Variants in ZSWIM4 observed in about 807,000 individuals in gnomAD.
ZSWIM4 encodes the protein zinc finger SWIM domain-containing protein 4.
A neutral mutation model predicts 102.5 loss-of-function variants in ZSWIM4; 62 were observed. That is an observed-to-expected ratio of 0.60 (90% CI 0.49 to 0.75). ZSWIM4 has a LOEUF of 0.75. Ranked by LOEUF, ZSWIM4 falls within the 30% of genes least tolerant of loss-of-function variation. The pLI is 0.00. For synonymous variants in ZSWIM4, 652 were observed against 674.5 expected (o/e 0.97, Z 0.52); for missense variants, 1,280 against 1,529.6 (o/e 0.84, Z 2.72).
chr19:13,832,097 T>A lies in ZSWIM4; in HGVS notation c.*1047T>A, dbSNP rs1332250590. The A allele has an allele frequency of 6.6e-6, 1 of 150,804 alleles. No homozygotes were observed. Among genetic ancestry groups the A allele is most frequent in the Non-Finnish European group, 1.5e-5 (1 of 67,820 alleles). 9.3% of individuals were successfully genotyped at this position (150,804 alleles called of 1,614,324 possible). A position where few individuals can be genotyped will look rare whatever the true frequency, so the allele number is the denominator to read the frequency against. ...ATCATTTTGTAACTTTTTTTCTATT[T>A]ATTGAACGGTGTATTACATGTCCTT... On this transcript the variant is annotated 3_prime_UTR_variant, in exon 14 of 14. Transcript: ENST00000590508.
intron 13 of ZSWIM4, among the ~76,000 whole-genome samples, chr19:13,829,692 G>A (rs1404261506): frequency 1.3e-5 from 2 of 152,112 alleles, no homozygotes; most frequent in East Asian, 1.9e-4. Context: ...GGGCGTGGTG[G>A]TGGGCCCCTG....
rs963726684 is a variant in ZSWIM4 at position 13,819,249 on chromosome 19, T to C, written c.1925-108T>C. ...GAGACCCATCTAGCCACAGCCACTCTACCCAGGGGCCAGCCCACCCTCTAC... is the reference window on the plus strand; with the variant it reads ...GAGACCCATCTAGCCACAGCCACTCCACCCAGGGGCCAGCCCACCCTCTAC... On this transcript the variant is annotated intron_variant, in intron 9 of 13. Transcript: ENST00000590508. 36 of 1,473,170 alleles carry C rather than the reference T, an allele frequency of 2.4e-5. No individual in the cohort carries two copies. The Middle Eastern group carries it at 7.9e-4, about 32-fold the overall frequency. The allele number at this position is 1,473,170 out of a possible 1,614,324, so 91.3% of individuals were successfully genotyped here.
In ZSWIM4 at chr19:13,830,580, A is replaced by G. The variant is rs1975735201; in HGVS notation, c.2851A>G (p.Ile951Val). The G allele has an allele frequency of 1.3e-6, 2 of 1,599,664 alleles. No homozygotes were observed. The highest frequency in any genetic ancestry group is 8.5e-7 in the Non-Finnish European group (1 of 1,179,758). Residue 951 changes from isoleucine (I) to valine (V), a missense_variant, in exon 14 of 14, where the codon ATC becomes GTC. Physicochemically the swap from Ile to Val is conservative, Grantham distance 29. Coordinates refer to ENST00000590508, the MANE Select transcript of ZSWIM4 (RefSeq NM_001367834.3). ...LATLALAQLSIAFNQDSHPAV... is the reference protein window; with the variant it reads ...LATLALAQLSVAFNQDSHPAV... The stretch of plus-strand genomic sequence containing the variant: ...GACGCTGGCCCTGGCGCAGCTCAGC[A>G]TCGCCTTCAACCAGGACAGCCACCC...
At chr19:13,806,993 G>A (rs73511518) in intron 3 of ZSWIM4, among the ~76,000 whole-genome samples, 3,207 of 152,024 alleles carry the variant, frequency 0.021, 115 homozygotes, top group African/African-American at 0.074. Flanking sequence ...ATGAATGGGT[G>A]GTTTAATGGA....
intron 12 of ZSWIM4, among the ~76,000 whole-genome samples, chr19:13,828,417 C>A (rs919038279): frequency 3.3e-5 from 5 of 151,592 alleles, no homozygotes; most frequent in Non-Finnish European, 7.4e-5. Flanking sequence ...CAAAAAAAAA[C>A]AAAACAAAAC....
At chr19:13,803,447 C>T (rs1974827446) in intron 2 of ZSWIM4, among the ~76,000 whole-genome samples, 1 of 152,084 alleles carries the variant, frequency 6.6e-6, no homozygotes, top group Non-Finnish European at 1.5e-5. Context: ...CAGAAAACCA[C>T]CTTCAATGTC....
At chr19:13,816,651 A>G (rs551292751) in intron 7 of ZSWIM4, among the ~76,000 whole-genome samples, 2 of 152,168 alleles carry the variant, frequency 1.3e-5, no homozygotes, top group South Asian at 4.2e-4. Context: ...TAAAAAAAGA[A>G]AAAGGATGTG....
At position 13,795,785 on chromosome 19, in the gene ZSWIM4, G is replaced by T; in HGVS notation, c.137G>T (p.Ser46Ile). 8.0e-7 allele frequency: 1 copy of T among 1,252,550 alleles called. No homozygotes were observed. Among genetic ancestry groups the T allele is most frequent in the Non-Finnish European group, 1.0e-6 (1 of 998,028 alleles). 77.6% of individuals were successfully genotyped at this position (1,252,550 alleles called of 1,614,324 possible). A position where few individuals can be genotyped will look rare whatever the true frequency, so the allele number is the denominator to read the frequency against. ...CTCAGCGCCAAGCGGGTAGCCGAGA[G>T]CTGGGCCTTCGAGCAGGTGACCGCG... ...LDLSAKRVAESWAFEQVEERF... is the reference protein window; with the variant it reads ...LDLSAKRVAEIWAFEQVEERF... The change falls in exon 1 of 14, where the codon AGC becomes ATC. Residue 46 changes from serine to isoleucine, a missense_variant. Coordinates refer to ENST00000590508, the MANE Select transcript of ZSWIM4 (RefSeq NM_001367834.3).
rs771538922 is a variant in ZSWIM4 at position 13,799,841 on chromosome 19, G to A, written c.275G>A (p.Gly92Asp). 17 of 1,613,858 alleles carry A rather than the reference G, an allele frequency of 1.1e-5. No individual in the cohort carries two copies. Among genetic ancestry groups the A allele is most frequent in the Non-Finnish European group, 1.4e-5 (16 of 1,180,000 alleles). The change falls in exon 2 of 14, where the codon GGC becomes GAC. Residue 92 changes from glycine to aspartate, a missense_variant. Physicochemically the swap from Gly to Asp is moderately conservative, Grantham distance 94. Coordinates refer to ENST00000590508, the MANE Select transcript of ZSWIM4 (RefSeq NM_001367834.3). ...YSSLGYPPPEGEHDARVPFTR... is the reference protein window; with the variant it reads ...YSSLGYPPPEDEHDARVPFTR... The stretch of plus-strand genomic sequence containing the variant: ...TCGCTGGGTTACCCGCCCCCAGAGG[G>A]CGAGCACGATGCCCGGGTGCCCTTT...
chr19:13,801,393 G>A (rs1374947182), intron 2 of ZSWIM4, among the ~76,000 whole-genome samples: 1 of 152,196 alleles, frequency 6.6e-6, no homozygotes, highest in Non-Finnish European at 1.5e-5. Context: ...CAGAGAAGCA[G>A]CTGTCAGCCA....
chr19:13,830,659 A>G lies in ZSWIM4; in HGVS notation c.2930A>G (p.His977Arg), dbSNP rs757637856. 2 of 1,602,956 alleles carry G rather than the reference A, an allele frequency of 1.2e-6. No individual in the cohort carries two copies. Among genetic ancestry groups the G allele is most frequent in the Non-Finnish European group, 8.5e-7 (1 of 1,179,696 alleles). ...TCTCTCAGCCACTCCCTGGGCCGGC[A>G]CGAGCTCTCTGCCATCGTCCCCCTC... ...ACSLSHSLGRHELSAIVPLII... is the reference protein window; with the variant it reads ...ACSLSHSLGRRELSAIVPLII... Residue 977 changes from histidine to arginine, a missense_variant, in exon 14 of 14, where the codon CAC becomes CGC. By Grantham distance (29) the His-to-Arg change is conservative (BLOSUM62 0). Transcript: ENST00000590508.
rs145639092 is a variant in ZSWIM4 at position 13,817,349 on chromosome 19, C to T, written c.1665C>T (p.Tyr555=). ...TGGAGGAGGAGACACTTACCCTTTA[C>T]CCAGGTACTCACATGGGGTACTCTT... is the stretch of plus-strand genomic sequence containing the variant. ...CRLEEETLTL[Y]PDSGPEKRKV... Residue 555 remains tyrosine (Y), a synonymous_variant, in exon 8 of 14, where the codon TAC becomes TAT. Transcript: ENST00000590508. 4 of 1,612,854 alleles carry T rather than the reference C, an allele frequency of 2.5e-6. No individual in the cohort carries two copies. The African/African-American group carries it at 5.3e-5, about 22-fold the overall frequency.
rs768253017 is a variant in ZSWIM4, at chr19:13,828,742, G to A, written c.2461+16G>A. 11 of 1,612,830 alleles carry A rather than the reference G, an allele frequency of 6.8e-6. No homozygotes were observed. Among genetic ancestry groups the A allele is most frequent in the Non-Finnish European group, 9.3e-6 (11 of 1,178,878 alleles). On this transcript the variant is annotated intron_variant, in intron 13 of 13. Transcript: ENST00000590508. ...ACAGAGATTGGTGAGAGCCCCTAAG[G>A]GGACCTGCCACCCACTTCGCTGTTC...
Position 13,830,091 on chromosome 19 carries a change from A to C in ZSWIM4, c.2462-100A>C, listed in dbSNP as rs113078472. 5 of 1,418,338 alleles carry C rather than the reference A, an allele frequency of 3.5e-6. No individual in the cohort carries two copies. In the African/African-American group the frequency reaches 5.6e-5, roughly 16 times the overall value. The allele number at this position is 1,418,338 out of a possible 1,614,324, so 87.9% of individuals were successfully genotyped here. ...GAAGTTTCTGTTCAGCATGGTGTGG[A>C]GGTGGAAGTGGAGGTGGCAGTGTCA... is the stretch of plus-strand genomic sequence containing the variant. On this transcript the variant is annotated intron_variant, in intron 13 of 13. Transcript: ENST00000590508.
intron 5 of ZSWIM4, among the ~76,000 whole-genome samples, chr19:13,810,481 C>T (rs10403981): frequency 0.019 from 2,915 of 151,666 alleles, 98 homozygotes; most frequent in African/African-American, 0.068. Flanking sequence ...TTAGTAGAGA[C>T]GGAGTTTCAC....
intron 5 of ZSWIM4, among the ~76,000 whole-genome samples, chr19:13,810,908 C>CA (rs1568333524): frequency 0.012 from 1,635 of 133,826 alleles, 48 homozygotes; most frequent in African/African-American, 0.048. Context: ...CCACGCCCAG[C>CA]CTTTTTTTTT....
In ZSWIM4 at chr19:13,825,952, G is replaced by A. The variant is rs1391080973; in HGVS notation, c.2379+239G>A. Among the ~76,000 whole-genome samples, 1 of 152,230 alleles carries A rather than the reference G, an allele frequency of 6.6e-6. No homozygotes were observed. Among genetic ancestry groups the A allele is most frequent in the East Asian group, 1.9e-4 (1 of 5,166 alleles). On this transcript the variant is annotated intron_variant, in intron 12 of 13. Coordinates refer to ENST00000590508, the MANE Select transcript of ZSWIM4 (RefSeq NM_001367834.3). This position sits in a 1 kb window ranked among gnomAD's most constrained non-coding sequence, Gnocchi z 4.6. ...TGTGGGCCACTTCCTTGGGGGCGTG[G>A]CATGAGTGAGCCACTCCCCTGGGAA...
chr19:13,819,890 C>T (rs1975417199), intron 10 of ZSWIM4, among the ~76,000 whole-genome samples: 1 of 149,406 alleles, frequency 6.7e-6, no homozygotes, highest in African/African-American at 2.5e-5. Flanking sequence ...GTCACCCAGG[C>T]TGGAGTGCAG....
chr19:13,831,099 C>T lies in ZSWIM4; in HGVS notation c.*49C>T, dbSNP rs1975756856. On this transcript the variant is annotated 3_prime_UTR_variant, in exon 14 of 14. Transcript: ENST00000590508. The stretch of plus-strand genomic sequence containing the variant: ...GGGGATCCCCCTCGCCCCTGCGTCC[C>T]CCACCCTTGCTCTCCAATTAGGCCC... 2 of 1,510,706 alleles carry T rather than the reference C, an allele frequency of 1.3e-6. No homozygotes were observed. Among genetic ancestry groups the T allele is most frequent in the African/African-American group, 1.4e-5 (1 of 71,990 alleles). 93.6% of individuals were successfully genotyped at this position (1,510,706 alleles called of 1,614,324 possible). A position where few individuals can be genotyped will look rare whatever the true frequency, so the allele number is the denominator to read the frequency against.
Sources: allele counts gnomAD v4.1 joint callset (sites outside exome capture counted in the v4.1 genomes callset), GRCh38; gene constraint gnomAD v4.1.1; non-coding constraint Gnocchi (gnomAD v3.1); transcripts MANE v1.5; gene names NCBI Gene and HGNC (gene_info 2026-07-23, HGNC 2026-07-21).